SORBS3: variants seen among roughly 807,000 people sequenced by gnomAD.
SORBS3 encodes the protein sorbin and SH3 domain containing 3.
In SORBS3, 69 loss-of-function variants were observed where a neutral mutation model predicts 98.0. The ratio of observed to expected loss-of-function variants is 0.70; its 90% CI spans 0.58 to 0.86. SORBS3 has a LOEUF of 0.86. Ranked by LOEUF, SORBS3 falls within the 40% of genes least tolerant of loss-of-function variation. SORBS3 has a pLI of 0.00. For synonymous variants in SORBS3, 394 were observed against 355.4 expected (o/e 1.11, Z -1.22); for missense variants, 954 against 908.5 (o/e 1.05, Z -0.64).
rs533654544 is a variant in SORBS3, at chr8:22,564,759, T to C, written c.816+238T>C. 24 of 1,405,868 alleles carry C rather than the reference T, an allele frequency of 1.7e-5. No homozygotes were observed. In the African/African-American group the frequency reaches 3.5e-4, roughly 20 times the overall value. 87.1% of individuals were successfully genotyped at this position (1,405,868 alleles called of 1,614,324 possible). A position where few individuals can be genotyped will look rare whatever the true frequency, so the allele number is the denominator to read the frequency against. ...CAGGAGCAGAAAAGGGAGTGGTCAG[T>C]GCGCACTGGGATTATCAGGAAATAT... On this transcript the variant is annotated intron_variant, in intron 10 of 20. Coordinates refer to ENST00000240123, the MANE Select transcript of SORBS3 (RefSeq NM_005775.5).
intron 17 of SORBS3, 110 bp from the exon 18 acceptor site, chr8:22,570,800 G>C: frequency 1.0e-6 from 1 of 963,520 alleles, no homozygotes; most frequent in Non-Finnish European, 1.5e-6. Flanking sequence ...CTGCGATTCC[G>C]ACCCCTCGTG....
intron 20 of SORBS3, 41 bp from the exon 21 acceptor site, chr8:22,574,622 TAAAG>T: frequency 6.2e-7 from 1 of 1,600,040 alleles, no homozygotes; most frequent in South Asian, 1.1e-5. Context: ...GCATCCCTGT[TAAAG>T]AAGGGAGTGG....
Position 22,554,602 on chromosome 8 carries a change from G to T in SORBS3, c.96G>T (p.Gly32=). The change falls in exon 2 of 21, where the codon GGG becomes GGT. Residue 32 remains glycine (G), a synonymous_variant. Coordinates refer to ENST00000240123, the MANE Select transcript of SORBS3 (RefSeq NM_005775.5). This position sits in a 1 kb window ranked among gnomAD's most constrained non-coding sequence, Gnocchi z 6.5. The stretch of plus-strand genomic sequence containing the variant: ...CCCACATAGGGTCTTCCTCCCGGGG[G>T]ACACGGGTGAGTGAGTCAGTAGGGA... ...LQSHIGSSSR[G]TRVPVIRNGG... 1.2e-6 allele frequency: 2 copies of T among 1,611,878 alleles called. No individual in the cohort carries two copies. Among genetic ancestry groups the T allele is most frequent in the Non-Finnish European group, 8.5e-7 (1 of 1,179,774 alleles).
chr8:22,547,461 T>G (rs570933576), upstream of SORBS3, among the ~76,000 whole-genome samples: 35 of 152,350 alleles, frequency 2.3e-4, 1 homozygote, highest in Non-Finnish European at 4.4e-5. Flanking sequence ...ATCATAGAAT[T>G]CAAGGAGGTG....
chr8:22,552,601 G>A (rs780434856), intron 1 of SORBS3, among the ~76,000 whole-genome samples: 7 of 151,712 alleles, frequency 4.6e-5, no homozygotes, highest in Non-Finnish European at 1.0e-4. Context: ...CGGGTCGTGG[G>A]GGACCTCCTG....
At chr8:22,549,666 C>T (rs563598824), upstream of SORBS3, among the ~76,000 whole-genome samples, 1 of 152,236 alleles carries the variant, frequency 6.6e-6, no homozygotes, top group Admixed American at 6.5e-5. Context: ...AGAGCCCAGG[C>T]CTAAGTAGAC....
At chr8:22,561,488 A>T in intron 6 of SORBS3, 115 bp downstream of exon 6, 2 of 1,143,738 alleles carry the variant, frequency 1.7e-6, no homozygotes, top group Non-Finnish European at 2.6e-6. Context: ...GGCTCAGTTC[A>T]ACCTGAGAGG....
intron 16 of SORBS3, 45 bp downstream of exon 16, chr8:22,567,220 G>T: frequency 7.5e-7 from 1 of 1,324,916 alleles, no homozygotes; most frequent in Non-Finnish European, 1.1e-6. Flanking sequence ...CTGGGAGGGC[G>T]CAGGGGTTGG....
intron 5 of SORBS3, among the ~76,000 whole-genome samples, chr8:22,559,664 C>T (rs1232227373): frequency 1.3e-5 from 2 of 150,944 alleles, no homozygotes; most frequent in African/African-American, 4.9e-5. Context: ...GACCATTCCA[C>T]TGCACTCCAG....
chr8:22,572,371 A>G lies in SORBS3; in HGVS notation c.1879A>G (p.Asn627Asp), dbSNP rs757657631. The G allele has an allele frequency of 6.2e-7, 1 of 1,614,066 alleles. No individual in the cohort carries two copies. Among genetic ancestry groups the G allele is most frequent in the Non-Finnish European group, 8.5e-7 (1 of 1,179,970 alleles). The change falls in exon 20 of 21, where the codon AAC becomes GAC. Residue 627 changes from asparagine to aspartate, a missense_variant. By Grantham distance (23) the Asn-to-Asp change is conservative. Coordinates refer to ENST00000240123, the MANE Select transcript of SORBS3 (RefSeq NM_005775.5). Reference protein sequence around the residue: ...YRAMYQYRPQNEDELELREGD... With the variant: ...YRAMYQYRPQDEDELELREGD... ...GGCGATGTACCAGTACAGGCCCCAG[A>G]ACGAAGACGAGCTGGAGCTGCGCGA...
chr8:22,566,313 G>C (rs766237225), intron 12 of SORBS3, 32 bp from the exon 13 acceptor site: 5 of 1,605,270 alleles, frequency 3.1e-6, no homozygotes, highest in Non-Finnish European at 4.3e-6. Flanking sequence ...CGGAGCCCCA[G>C]GCTGGAGGCT....
Position 22,558,148 on chromosome 8 carries a change from A to G in SORBS3, c.434A>G (p.Asp145Gly). Residue 145 changes from aspartate (D) to glycine (G), a missense_variant, in exon 5 of 21, where the codon GAC (aspartate) becomes GGC (glycine). Transcript: ENST00000240123. The stretch of plus-strand genomic sequence containing the variant: ...TCCCAGAGCGTTGACAGACCCAGAG[A>G]CTGGTACCGGAGAATGTTCCAGCAG... Reference protein sequence around the residue: ...APRSSVDRPRDWYRRMFQQIH... With the variant: ...APRSSVDRPRGWYRRMFQQIH... 1 of 1,614,074 alleles carries G rather than the reference A, an allele frequency of 6.2e-7. No individual in the cohort carries two copies. The highest frequency in any genetic ancestry group is 8.5e-7 in the Non-Finnish European group (1 of 1,180,000).
chr8:22,552,823 C>T (rs60202703), intron 1 of SORBS3, among the ~76,000 whole-genome samples: 5 of 152,156 alleles, frequency 3.3e-5, no homozygotes, highest in Non-Finnish European at 7.4e-5. Flanking sequence ...AACTCCCCCC[C>T]GCAAGGGGAG....
chr8:22,546,099 TTTCAG>T (rs1840013199), intron 1 of SORBS3, among the ~76,000 whole-genome samples: 1 of 152,214 alleles, frequency 6.6e-6, no homozygotes, highest in Non-Finnish European at 1.5e-5. Context: ...TTTTTCTTGC[TTTCAG>T]TTATGTTAAA....
intron 12 of SORBS3, chr8:22,566,119 G>A: frequency 5.0e-6 from 3 of 603,070 alleles, no homozygotes; most frequent in Non-Finnish European, 7.5e-6. Flanking sequence ...CGCGGTTAGG[G>A]CGGCCCCGCC....
chr8:22,566,397 G>C lies in SORBS3; in HGVS notation c.1003G>C (p.Ala335Pro). ...CCCACATGCACCTTACCTGGGTTCC[G>C]CCCGGTCCCTGAGTCCCCACAAAAT... Reference protein sequence around the residue: ...SYPHAPYLGSARSLSPHKMAD... With the variant: ...SYPHAPYLGSPRSLSPHKMAD... The change falls in exon 13 of 21, where the codon GCC (alanine) becomes CCC (proline). Residue 335 changes from alanine to proline, a missense_variant. Physicochemically the swap from Ala to Pro is conservative, Grantham distance 27. Coordinates refer to ENST00000240123, the MANE Select transcript of SORBS3 (RefSeq NM_005775.5). 1 of 1,614,074 alleles carries C rather than the reference G, an allele frequency of 6.2e-7. No homozygotes were observed. Among genetic ancestry groups the C allele is most frequent in the South Asian group, 1.1e-5 (1 of 91,088 alleles).
upstream of SORBS3, among the ~76,000 whole-genome samples, chr8:22,547,017 A>G (rs1029338224): frequency 3.9e-5 from 6 of 152,224 alleles, no homozygotes; most frequent in Admixed American, 6.5e-5. Flanking sequence ...CTTTTACACT[A>G]AATACAACCA....
At chr8:22,550,102 C>T (rs568967232), upstream of SORBS3, 2 of 800,628 alleles carry the variant, frequency 2.5e-6, no homozygotes, top group Non-Finnish European at 3.0e-6. Context: ...CTATTTTATC[C>T]CTGAGGGAGG....
chr8:22,552,590 A>ACGGGT (rs111315875), intron 1 of SORBS3, among the ~76,000 whole-genome samples: 3,148 of 152,238 alleles, frequency 0.021, 123 homozygotes, highest in African/African-American at 0.072. Flanking sequence ...ACCTCTGACT[A>ACGGGT]CGGGTCGTGG....
Sources: gnomAD v4.1 joint callset for allele counts (sites outside exome capture counted in the v4.1 genomes callset) on GRCh38, gnomAD v4.1.1 for gene constraint, Gnocchi (gnomAD v3.1) non-coding constraint, MANE v1.5 for transcripts, NCBI Gene and HGNC (gene_info 2026-07-23, HGNC 2026-07-21) for gene names.